Variants in CSMD3 observed in about 807,000 individuals in gnomAD.
CSMD3 encodes CUB and Sushi multiple domains 3.
Under a neutral mutation model 435.2 loss-of-function variants are expected in CSMD3, and 177 were observed. That is an observed-to-expected ratio of 0.41 (90% CI 0.36 to 0.46). CSMD3 has a LOEUF of 0.46. Among genes scored for constraint, CSMD3 ranks in the 20% least tolerant of loss-of-function variants. The probability of loss-of-function intolerance (pLI) is 0.34; values close to 1 mark genes in which losing one functional copy is unlikely to be tolerated. For missense variants in CSMD3, 4,265 were observed against 4,504.6 expected (o/e 0.95, Z 1.52); for synonymous variants, 1,656 against 1,520.5 (o/e 1.09, Z -2.07).
At chr8:113,361,053 CTA>C (rs142912139) in intron 1 of CSMD3, among the ~76,000 whole-genome samples, 2,023 of 152,144 alleles carry the variant, frequency 0.013, 27 homozygotes, top group Middle Eastern at 0.044. Flanking sequence ...TAAATTGACT[CTA>C]TTTTATTTTA....
At chr8:113,199,090 CTATA>C (rs1230803872) in intron 3 of CSMD3, among the ~76,000 whole-genome samples, 1 of 148,942 alleles carries the variant, frequency 6.7e-6, no homozygotes, top group Non-Finnish European at 1.5e-5. Flanking sequence ...ATATATTTAA[CTATA>C]TATAATTTCA....
chr8:112,381,953 T>A (rs1400793058), intron 37 of CSMD3, among the ~76,000 whole-genome samples: 1 of 152,130 alleles, frequency 6.6e-6, no homozygotes, highest in Non-Finnish European at 1.5e-5. Context: ...ACTCATATTA[T>A]CATTACATTA....
At chr8:112,289,142 A>G (rs1282357607) in intron 57 of CSMD3, among the ~76,000 whole-genome samples, 1 of 152,230 alleles carries the variant, frequency 6.6e-6, no homozygotes, top group Non-Finnish European at 1.5e-5. Flanking sequence ...ACACAGTTCA[A>G]AACACAAACT....
intron 66 of CSMD3, among the ~76,000 whole-genome samples, chr8:112,237,735 C>CT (rs1284525759): frequency 6.6e-6 from 1 of 152,002 alleles, no homozygotes; most frequent in African/African-American, 2.4e-5. Context: ...AAGAGGCCTG[C>CT]TTTTTTTCCA....
chr8:112,383,564 T>C lies in CSMD3; in HGVS notation c.6031+3A>G, dbSNP rs769393149. On this transcript the variant is annotated splice_donor_region_variant and intron_variant, in intron 37 of 70. Coordinates refer to ENST00000297405, the MANE Select transcript of CSMD3 (RefSeq NM_198123.2). Reference sequence around the variant, plus strand: ...TTTAATTAAGCTCAGCTCTCTTATTTACCTGAATAGCTTCCAAGTCTTGGA... The same window carrying C: ...TTTAATTAAGCTCAGCTCTCTTATTCACCTGAATAGCTTCCAAGTCTTGGA... 2.0e-6 allele frequency: 3 copies of C among 1,485,914 alleles called. No homozygotes were observed. Among genetic ancestry groups the C allele is most frequent in the South Asian group, 2.3e-5 (2 of 88,452 alleles). The allele number at this position is 1,485,914 out of a possible 1,614,324, so 92.0% of individuals were successfully genotyped here.
intron 3 of CSMD3, among the ~76,000 whole-genome samples, chr8:113,273,915 G>A (rs565616086): frequency 6.6e-6 from 1 of 151,992 alleles, no homozygotes; most frequent in Non-Finnish European, 1.5e-5. Context: ...TTATTTTCCT[G>A]TCTTATAAAT....
chr8:112,276,820 C>A (rs1366555538), intron 59 of CSMD3, among the ~76,000 whole-genome samples: 1 of 152,166 alleles, frequency 6.6e-6, no homozygotes, highest in Non-Finnish European at 1.5e-5. Context: ...GCAGCCTCAA[C>A]ACCACATGGA....
At chr8:112,856,049 G>T (rs1258155693) in intron 11 of CSMD3, among the ~76,000 whole-genome samples, 1 of 151,816 alleles carries the variant, frequency 6.6e-6, no homozygotes, top group Non-Finnish European at 1.5e-5. Flanking sequence ...CACACATGGA[G>T]CTAATGTTGA....
chr8:113,426,984 A>T (rs1372791271), intron 1 of CSMD3, among the ~76,000 whole-genome samples: 2 of 151,490 alleles, frequency 1.3e-5, no homozygotes, highest in African/African-American at 2.4e-5. Context: ...TATTAAATGC[A>T]ATAAGTATAT....
At position 113,270,985 on chromosome 8, in the gene CSMD3, T is replaced by TAAA. The variant is rs3048870; in HGVS notation, c.514+7604_514+7606dup. The stretch of plus-strand genomic sequence containing the variant: ...GAACTTAAAGTATAATCAAAAAGCA[T>TAAA]AAAAAAAAAAAACTGGTGGCATTGT... On this transcript the variant is annotated intron_variant, in intron 3 of 70. Coordinates refer to ENST00000297405, the MANE Select transcript of CSMD3 (RefSeq NM_198123.2). Among the ~76,000 whole-genome samples the TAAA allele has an allele frequency of 8.6e-3, 1,269 of 148,176 alleles. 17 individuals are homozygous for TAAA. The highest frequency in any genetic ancestry group is 0.06 in the East Asian group (302 of 5,012).
intron 4 of CSMD3, among the ~76,000 whole-genome samples, chr8:113,153,131 G>GA (rs1407313552): frequency 0.057 from 805 of 14,144 alleles, 13 homozygotes; most frequent in East Asian, 0.24. Context: ...GAAAGAGAAA[G>GA]AAGGAAGGAA....
intron 10 of CSMD3, among the ~76,000 whole-genome samples, chr8:112,912,349 A>C (rs188270374): frequency 1.5e-4 from 22 of 151,640 alleles, no homozygotes; most frequent in African/African-American, 5.1e-4. Context: ...TATTTTTCAT[A>C]ATGGCTGTAC....
rs1427258542 is a variant in CSMD3, at chr8:112,335,301, G to T, written c.7165+28C>A. 3 of 1,605,916 alleles carry T rather than the reference G, an allele frequency of 1.9e-6. No homozygotes were observed. The African/African-American group carries it at 4.0e-5, about 21-fold the overall frequency. On this transcript the variant is annotated intron_variant, in intron 45 of 70. Transcript: ENST00000297405. Reference sequence around the variant, plus strand: ...CAGGACAAATTAAACAGTAGCAAATGAAATAGGAACTCTCAGATAATACCA... The same window carrying T: ...CAGGACAAATTAAACAGTAGCAAATTAAATAGGAACTCTCAGATAATACCA...
At chr8:113,409,312 T>C (rs1434961260) in intron 1 of CSMD3, among the ~76,000 whole-genome samples, 1 of 151,844 alleles carries the variant, frequency 6.6e-6, no homozygotes, top group Non-Finnish European at 1.5e-5. Context: ...CTCGAACTCC[T>C]GACCTCGTGA....
At position 112,289,434 on chromosome 8, in the gene CSMD3, G is replaced by C. The variant is rs566702049; in HGVS notation, c.9079C>G (p.Leu3027Val). The stretch of plus-strand genomic sequence containing the variant: ...CAGGTTCTTGATGACTGGCCTAAAA[G>C]GGAACGCTTTCCTGTGCAGGAATAG... ...VHYSCTGKRSLLGQSSRTCQL... is the reference protein window; with the variant it reads ...VHYSCTGKRSVLGQSSRTCQL... The change falls in exon 57 of 71, where the codon CTT (leucine) becomes GTT (valine). Residue 3027 changes from leucine (L) to valine (V), a missense_variant. This residue lies in a region of CSMD3 where 3,255 missense variants were observed against 3,380.2 expected (regional missense o/e 0.96). Transcript: ENST00000297405. 1.9e-6 allele frequency: 3 copies of C among 1,613,230 alleles called. No homozygotes were observed. The highest frequency in any genetic ancestry group is 1.3e-5 in the African/African-American group (1 of 74,864).
At chr8:112,886,380 G>C (rs1463749171) in intron 10 of CSMD3, among the ~76,000 whole-genome samples, 1 of 150,264 alleles carries the variant, frequency 6.7e-6, no homozygotes, top group Non-Finnish European at 1.5e-5. Flanking sequence ...AAAAGAAAAT[G>C]AGCAAATTTT....
chr8:112,433,783 A>C (rs1313477298), intron 32 of CSMD3, among the ~76,000 whole-genome samples: 1 of 152,120 alleles, frequency 6.6e-6, no homozygotes, highest in Non-Finnish European at 1.5e-5. Context: ...CTTTTTAATC[A>C]AGCTAATAAT....
chr8:113,216,371 T>C (rs1420455088), intron 3 of CSMD3, among the ~76,000 whole-genome samples: 1 of 151,908 alleles, frequency 6.6e-6, no homozygotes, highest in Non-Finnish European at 1.5e-5. Context: ...CATTGAGATA[T>C]AGTAAGCAGA....
At chr8:112,920,836 C>T (rs905596400) in intron 10 of CSMD3, among the ~76,000 whole-genome samples, 3 of 151,166 alleles carry the variant, frequency 2.0e-5, no homozygotes, top group Non-Finnish European at 4.4e-5. Flanking sequence ...TGTCACTTGC[C>T]TTTCATAATA....
Sources: allele counts gnomAD v4.1 joint callset (sites outside exome capture counted in the v4.1 genomes callset), GRCh38; gene constraint gnomAD v4.1.1; regional missense constraint gnomAD v4.1.1; transcripts MANE v1.5; gene names NCBI Gene and HGNC (gene_info 2026-07-23, HGNC 2026-07-21).